The following DNAH10 variants were observed in gnomAD, a reference collection of about 807,000 sequenced individuals.
DNAH10 encodes dynein axonemal heavy chain 10.
Under a neutral mutation model 506.6 loss-of-function variants are expected in DNAH10, and 348 were observed. The ratio of observed to expected loss-of-function variants is 0.69; its 90% CI spans 0.63 to 0.75. DNAH10 has a LOEUF of 0.75. Ranked by LOEUF, DNAH10 falls within the 30% of genes least tolerant of loss-of-function variation. DNAH10 has a pLI of 0.00. For synonymous variants in DNAH10, 2,059 were observed against 2,198.6 expected, an observed-to-expected ratio of 0.94 and a Z score of 1.78; for missense variants, 5,179 against 5,787.1, an observed-to-expected ratio of 0.89 and a Z score of 3.41.
In DNAH10 at chr12:123,818,982, G is replaced by C. The variant is rs748496617; in HGVS notation, c.3813G>C (p.Lys1271Asn). The C allele has an allele frequency of 6.2e-7, 1 of 1,606,944 alleles. No homozygotes were observed. Among genetic ancestry groups the C allele is most frequent in the Admixed American group, 1.7e-5 (1 of 59,002 alleles). Reference sequence around the variant, plus strand: ...ATGCAGAGAAAGAACTGGTTGATAAGATTGAGAGCATATGGTCCAATCTGT... The same window carrying C: ...ATGCAGAGAAAGAACTGGTTGATAACATTGAGAGCATATGGTCCAATCTGT... ...PPDAEKELVD[K>N]IESIWSNLFN... Residue 1271 changes from lysine (K) to asparagine (N), a missense_variant, in exon 22 of 79, where the codon AAG (lysine) becomes AAC (asparagine). This residue lies in a region of DNAH10 where 4,844 missense variants were observed against 5,430.5 expected (regional missense o/e 0.89). Transcript: ENST00000673944.
intron 2 of DNAH10, among the ~76,000 whole-genome samples, chr12:123,768,662 C>CT (rs1156706743): frequency 4.4e-4 from 67 of 152,330 alleles, no homozygotes; most frequent in Admixed American, 1.4e-3. Context: ...ATGCTTTGTA[C>CT]TTTGTTTTGT....
rs376709809 is a variant in DNAH10 at position 123,780,942 on chromosome 12, CAAAAAAAAAA to C, written c.622-127_622-118del. On this transcript the variant is annotated intron_variant, in intron 5 of 78. Coordinates refer to ENST00000673944, the MANE Select transcript of DNAH10 (RefSeq NM_001372106.1). ...CTGGTGACAGAGTGAGACTCTGTCT[CAAAAAAAAAA>C]AAAAAAAAAAGAATATTCAAAACCA... 1.8e-5 allele frequency: 6 copies of C among 334,078 alleles called. No homozygotes were observed. The East Asian group carries it at 3.6e-4, about 20-fold the overall frequency. 20.7% of individuals were successfully genotyped at this position (334,078 alleles called of 1,614,324 possible). A position where few individuals can be genotyped will look rare whatever the true frequency, so the allele number is the denominator to read the frequency against.
chr12:123,768,996 T>C (rs1037232767), intron 2 of DNAH10, among the ~76,000 whole-genome samples: 2 of 151,966 alleles, frequency 1.3e-5, no homozygotes, highest in Non-Finnish European at 2.9e-5. Flanking sequence ...ACCTCAGCCT[T>C]CCAAAGTGTT....
Position 123,804,467 on chromosome 12 carries a change from G to A in DNAH10, c.2780-366G>A, listed in dbSNP as rs557625653. Among the ~76,000 whole-genome samples, 6 of 151,552 alleles carry A rather than the reference G, an allele frequency of 4.0e-5. No homozygotes were observed. The South Asian group carries it at 8.4e-4, about 21-fold the overall frequency. On this transcript the variant is annotated intron_variant, in intron 17 of 78. Coordinates refer to ENST00000673944, the MANE Select transcript of DNAH10 (RefSeq NM_001372106.1). ...GTGAACCTGGGAGGCGGAGCTTGCA[G>A]TGAGCCCAGATCGCACCACTGCAGC...
intron 53 of DNAH10, among the ~76,000 whole-genome samples, chr12:123,894,178 C>T (rs547143226): frequency 4.1e-4 from 62 of 150,508 alleles, no homozygotes; most frequent in Non-Finnish European, 2.2e-4. Context: ...GCAGCCTCGA[C>T]CTCCTGGGCT....
chr12:123,871,672 C>G, intron 45 of DNAH10, 70 bp downstream of exon 45: 1 of 1,486,892 alleles, frequency 6.7e-7, no homozygotes, highest in South Asian at 1.2e-5. Context: ...CAGCTTCATA[C>G]CACAAGCACT....
intron 7 of DNAH10, 140 bp downstream of exon 7, chr12:123,783,404 C>T (rs1957736273): frequency 1.0e-6 from 1 of 963,686 alleles, no homozygotes. Flanking sequence ...AAAATAAACA[C>T]ACCCAAAATA....
At chr12:123,848,413 C>T (rs1951040477) in intron 33 of DNAH10, among the ~76,000 whole-genome samples, 1 of 152,134 alleles carries the variant, frequency 6.6e-6, no homozygotes, top group South Asian at 2.1e-4. Flanking sequence ...AGAGGGTGCC[C>T]GTCCAGCTTT....
intron 59 of DNAH10, 44 bp downstream of exon 59, chr12:123,910,716 C>T: frequency 6.3e-7 from 1 of 1,599,490 alleles, no homozygotes; most frequent in African/African-American, 1.3e-5. Flanking sequence ...CCAAGGGACC[C>T]ATTCAGAGTC....
At position 123,813,808 on chromosome 12, in the gene DNAH10, G is replaced by GATC. The variant is rs1959038921; in HGVS notation, c.3676_3677insATC (p.Val1226delinsAspLeu). ...CAATACCCTTGAAGATCTCAAGTTTGTCCTTGCAACAATTGCAGAAATTAG... is the reference window on the plus strand; with the variant it reads ...CAATACCCTTGAAGATCTCAAGTTTGATCTCCTTGCAACAATTGCAGAAATTAG... On this transcript the variant is annotated protein_altering_variant, in exon 21 of 79. Transcript: ENST00000673944. The GATC allele has an allele frequency of 6.2e-7, 1 of 1,613,088 alleles. No homozygotes were observed. The highest frequency in any genetic ancestry group is 2.2e-5 in the East Asian group (1 of 44,902).
At chr12:123,799,566 C>T (rs759905115) in intron 14 of DNAH10, among the ~76,000 whole-genome samples, 195 bp downstream of exon 14, 21 of 152,020 alleles carry the variant, frequency 1.4e-4, no homozygotes, top group Non-Finnish European at 2.5e-4. Context: ...GGGCTGGAAA[C>T]GGGCAGCCCT....
intron 42 of DNAH10, 106 bp from the exon 43 acceptor site, chr12:123,867,796 CT>C: frequency 7.4e-7 from 1 of 1,345,190 alleles, no homozygotes; most frequent in African/African-American, 1.5e-5. Context: ...CATGTTGGGT[CT>C]TATGCTCCCA....
At chr12:123,859,100 G>A (rs371950857) in intron 37 of DNAH10, 50 bp from the exon 38 acceptor site, 24 of 1,520,240 alleles carry the variant, frequency 1.6e-5, no homozygotes, top group Admixed American at 7.9e-5. Flanking sequence ...ATAAAACTGC[G>A]TCAGAAAAAA....
chr12:123,779,466 T>C (rs919876486), intron 5 of DNAH10, among the ~76,000 whole-genome samples: 1 of 152,194 alleles, frequency 6.6e-6, no homozygotes, highest in Non-Finnish European at 1.5e-5. Context: ...TTATGTTGCC[T>C]TCCCCATATG....
chr12:123,805,605 A>G (rs1379080149), intron 18 of DNAH10, among the ~76,000 whole-genome samples: 1 of 152,018 alleles, frequency 6.6e-6, no homozygotes, highest in African/African-American at 2.4e-5. Context: ...ACAGTTTAGG[A>G]TCATTCTAGG....
At position 123,803,775 on chromosome 12, in the gene DNAH10, C is replaced by T. The variant is rs1207310493; in HGVS notation, c.2729C>T (p.Ala910Val). The T allele has an allele frequency of 6.2e-7, 1 of 1,611,588 alleles. No homozygotes were observed. Among genetic ancestry groups the T allele is most frequent in the Non-Finnish European group, 8.5e-7 (1 of 1,179,580 alleles). Residue 910 changes from alanine (A) to valine (V), a missense_variant, in exon 17 of 79, where the codon GCC becomes GTC. Transcript: ENST00000673944. ...DISSRLTLIE[A>V]INLFKYPAAK... ...TCTTCCAGGCTGACATTAATAGAGG[C>T]CATAAATCTCTTTAAATATCCAGCC...
At position 123,776,250 on chromosome 12, in the gene DNAH10, A is replaced by G. The variant is rs1957434479; in HGVS notation, c.621+1986A>G. Among the ~76,000 whole-genome samples, 4 of 152,256 alleles carry G rather than the reference A, an allele frequency of 2.6e-5. No homozygotes were observed. In the South Asian group the frequency reaches 8.3e-4, roughly 32 times the overall value. The stretch of plus-strand genomic sequence containing the variant: ...AGCAGACAGTGTGAGGAATGCCTTG[A>G]GGATCAGGCCATGGGACTTGCTAAT... On this transcript the variant is annotated intron_variant, in intron 5 of 78. Transcript: ENST00000673944.
intron 13 of DNAH10, among the ~76,000 whole-genome samples, chr12:123,797,385 CTTTTCT>C (rs1218768397): frequency 2.0e-5 from 3 of 146,420 alleles, no homozygotes; most frequent in Admixed American, 2.0e-4. Flanking sequence ...CCTTCTTTTT[CTTTTCT>C]TTTTCTTTTT....
chr12:123,890,704 C>T (rs536548427), intron 52 of DNAH10, among the ~76,000 whole-genome samples: 3 of 152,232 alleles, frequency 2.0e-5, no homozygotes, highest in African/African-American at 7.2e-5. Flanking sequence ...CAGGAAGTGA[C>T]AGCGATTGGA....
Sources: allele counts gnomAD v4.1 joint callset (sites outside exome capture counted in the v4.1 genomes callset), GRCh38; gene constraint gnomAD v4.1.1; regional missense constraint gnomAD v4.1.1; transcripts MANE v1.5; gene names NCBI Gene and HGNC (gene_info 2026-07-23, HGNC 2026-07-21).